SVIL: variants seen among roughly 807,000 people sequenced by gnomAD.
SVIL encodes archvillin.
Under a neutral mutation model 240.4 loss-of-function variants are expected in SVIL, and 101 were observed. The ratio of observed to expected loss-of-function variants is 0.42; its 90% CI spans 0.36 to 0.50. SVIL has a LOEUF of 0.50. SVIL is among the 20% of genes least tolerant of loss of function. The probability of loss-of-function intolerance (pLI) is 0.01; values close to 1 mark genes in which losing one functional copy is unlikely to be tolerated. For synonymous variants in SVIL, 999 were observed against 1,100.0 expected (o/e 0.91, Z 1.82); for missense variants, 2,512 against 2,818.7 (o/e 0.89, Z 2.46).
Position 29,551,090 on chromosome 10 carries a change from T to G in SVIL, c.334A>C (p.Arg112=). Residue 112 remains arginine (R), a synonymous_variant, in exon 6 of 38, where the codon AGA becomes CGA. Coordinates refer to ENST00000355867, the MANE Select transcript of SVIL (RefSeq NM_021738.3). Reference sequence around the variant, plus strand: ...TACTTCTCTGCCAGCTGTCGCCTTCTTTCTGCTTTGTACCTTGCAATTCTT... The same window carrying G: ...TACTTCTCTGCCAGCTGTCGCCTTCGTTCTGCTTTGTACCTTGCAATTCTT... ...AERIARYKAE[R]RRQLAEKYGL... is the part of the protein sequence containing the mutation. 6.2e-7 allele frequency: 1 copy of G among 1,614,220 alleles called. No individual in the cohort carries two copies. Among genetic ancestry groups the G allele is most frequent in the East Asian group, 2.2e-5 (1 of 44,878 alleles).
At chr10:29,497,803 C>A (rs778451104) in intron 18 of SVIL, among the ~76,000 whole-genome samples, 1 of 152,108 alleles carries the variant, frequency 6.6e-6, no homozygotes, top group Non-Finnish European at 1.5e-5. Flanking sequence ...TAATTATGGG[C>A]TGGCGGGGTG....
chr10:29,612,245 A>G (rs1957273715), intron 1 of SVIL, among the ~76,000 whole-genome samples: 1 of 152,098 alleles, frequency 6.6e-6, no homozygotes, highest in Admixed American at 6.5e-5. Flanking sequence ...TTGACTATGG[A>G]TCCTCAACAG....
rs763835143 is a variant in SVIL at position 29,550,558 on chromosome 10, T to TC, written c.827+38dup. On this transcript the variant is annotated intron_variant, in intron 6 of 37. Transcript: ENST00000355867. ...ACAGAGAGGCAAAAAGAAGGTATTG[T>TC]CCTGCGTTCAGGGTGCTTAGCGTGG... is the stretch of plus-strand genomic sequence containing the variant. 5.2e-6 allele frequency: 8 copies of TC among 1,531,156 alleles called. No individual in the cohort carries two copies. The Admixed American group carries it at 6.2e-5, about 12-fold the overall frequency. The allele number at this position is 1,531,156 out of a possible 1,614,324, so 94.8% of individuals were successfully genotyped here.
At chr10:29,561,884 G>T (rs1016796934) in intron 3 of SVIL, among the ~76,000 whole-genome samples, 48 of 152,144 alleles carry the variant, frequency 3.2e-4, no homozygotes, top group Non-Finnish European at 8.8e-5. Flanking sequence ...CCGGCTGACA[G>T]CGTTGTCAGT....
intron 22 of SVIL, among the ~76,000 whole-genome samples, chr10:29,490,597 A>AC (rs2132397412): frequency 6.6e-6 from 1 of 150,462 alleles, no homozygotes; most frequent in Non-Finnish European, 1.5e-5. Context: ...AAAAAAAAAA[A>AC]AAAAAACCAA....
In SVIL at chr10:29,563,156, T is replaced by C. The variant is rs144317592; in HGVS notation, c.-51+45A>G. The C allele has an allele frequency of 4.4e-3, 2,897 of 663,974 alleles. 65 individuals carry two copies. In the African/African-American group the frequency reaches 0.053, roughly 12 times the overall value. 41.1% of individuals were successfully genotyped at this position (663,974 alleles called of 1,614,324 possible). ...GCTCAAGGAAATTCGGACAACACAA[T>C]ACGCATCTACCCAGACATGGTTGGT... On this transcript the variant is annotated intron_variant, in intron 3 of 37. Transcript: ENST00000355867.
intron 2 of SVIL, among the ~76,000 whole-genome samples, chr10:29,684,754 A>G (rs1368386885): frequency 6.6e-6 from 1 of 152,164 alleles, no homozygotes; most frequent in East Asian, 1.9e-4. Context: ...TGGAATGTAA[A>G]TTTCTCCCAA....
chr10:29,466,624 G>A (rs1206063285), intron 33 of SVIL, among the ~76,000 whole-genome samples: 1 of 152,162 alleles, frequency 6.6e-6, no homozygotes, highest in Non-Finnish European at 1.5e-5. Context: ...CCAGCTGTCA[G>A]AGACTGTCAG....
chr10:29,661,770 A>C (rs1959166562), intron 2 of SVIL, among the ~76,000 whole-genome samples: 1 of 152,162 alleles, frequency 6.6e-6, no homozygotes, highest in African/African-American at 2.4e-5. Context: ...CAGTGAATGG[A>C]TGTTTCTGGT....
chr10:29,492,432 C>A (rs908107649), intron 21 of SVIL, among the ~76,000 whole-genome samples: 12 of 152,090 alleles, frequency 7.9e-5, no homozygotes, highest in African/African-American at 2.9e-4. Flanking sequence ...CCAAGACAGA[C>A]TGTGTTCTGA....
chr10:29,680,095 G>A (rs1007892475), intron 2 of SVIL, among the ~76,000 whole-genome samples: 1 of 152,142 alleles, frequency 6.6e-6, no homozygotes, highest in African/African-American at 2.4e-5. Context: ...TTAGGTGGGA[G>A]GATCTCTTAA....
intron 1 of SVIL, among the ~76,000 whole-genome samples, chr10:29,599,015 A>C (rs1956709121): frequency 6.6e-6 from 1 of 152,192 alleles, no homozygotes; most frequent in Non-Finnish European, 1.5e-5. Flanking sequence ...AGCACAAAAT[A>C]GCCTCTCTCC....
intron 17 of SVIL, among the ~76,000 whole-genome samples, chr10:29,502,128 A>C (rs1044779303): frequency 1.2e-4 from 18 of 152,194 alleles, no homozygotes; most frequent in African/African-American, 4.3e-4. Context: ...AGAAGAAATA[A>C]TTTTTACTCC....
intron 3 of SVIL, among the ~76,000 whole-genome samples, chr10:29,557,199 G>A (rs149576785): frequency 6.6e-6 from 1 of 152,166 alleles, no homozygotes; most frequent in East Asian, 1.9e-4. Context: ...AGACTCAAGT[G>A]ATCCTCCCAA....
In SVIL at chr10:29,463,545, C is replaced by T. The variant is rs757183968; in HGVS notation, c.6224G>A (p.Arg2075His). The change falls in exon 35 of 38, where the codon CGC (arginine) becomes CAC (histidine). Residue 2075 changes from arginine (R) to histidine (H), a missense_variant. Around this residue, in one of 3 missense-constraint regions of SVIL, gnomAD observed 797 missense variants for 925.3 expected, o/e 0.86. Transcript: ENST00000355867. ...CGCACTCTTCCGGTCGGAGGCCCAG[C>T]GGATGCGGGCGGAACCAGTGATCTT... ...ENKITGSARI[R>H]WASDRKSAME... 1.2e-5 allele frequency: 20 copies of T among 1,613,982 alleles called. No individual in the cohort carries two copies. The highest frequency in any genetic ancestry group is 1.2e-4 in the African/African-American group (9 of 74,924).
intron 1 of SVIL, among the ~76,000 whole-genome samples, chr10:29,712,315 C>G (rs368204039): frequency 1.3e-5 from 2 of 152,250 alleles, no homozygotes; most frequent in East Asian, 3.9e-4. Flanking sequence ...GATTAATGCT[C>G]TTTCTGGGGG....
In SVIL at chr10:29,462,449, T is replaced by A. The variant is rs1053207547; in HGVS notation, c.6278-48A>T. 2.5e-6 allele frequency: 4 copies of A among 1,579,716 alleles called. No homozygotes were observed. In the African/African-American group the frequency reaches 4.1e-5, roughly 16 times the overall value. Reference sequence around the variant, plus strand: ...GTCAGTAGACCCCAGGGAGACCCTGTCTTTCTCTGATTTCCCTTGAAATCT... The same window carrying A: ...GTCAGTAGACCCCAGGGAGACCCTGACTTTCTCTGATTTCCCTTGAAATCT... On this transcript the variant is annotated intron_variant, in intron 35 of 37. Transcript: ENST00000355867.
chr10:29,571,691 C>T (rs1455444390), intron 1 of SVIL, among the ~76,000 whole-genome samples: 1 of 152,164 alleles, frequency 6.6e-6, no homozygotes, highest in Non-Finnish European at 1.5e-5. Context: ...ATTTTAACCA[C>T]AATATGTAGT....
chr10:29,708,951 G>C (rs970035202), intron 1 of SVIL, among the ~76,000 whole-genome samples: 1 of 152,068 alleles, frequency 6.6e-6, no homozygotes, highest in Non-Finnish European at 1.5e-5. Context: ...AAGTTCAATA[G>C]AACAGTACAA....
Sources: gnomAD v4.1 joint callset for allele counts (sites outside exome capture counted in the v4.1 genomes callset) on GRCh38, gnomAD v4.1.1 for gene constraint, gnomAD v4.1.1 regional missense constraint, MANE v1.5 for transcripts, NCBI Gene and HGNC (gene_info 2026-07-23, HGNC 2026-07-21) for gene names.